ADIPOR2: variants seen among roughly 807,000 people sequenced by gnomAD.
The protein encoded by ADIPOR2 is adiponectin receptor protein 2.
A neutral mutation model predicts 40.9 loss-of-function variants in ADIPOR2; 18 were observed. The observed-to-expected ratio is 0.44, with a 90% confidence interval of 0.30 to 0.65. ADIPOR2 has a LOEUF of 0.65. Ranked by LOEUF, ADIPOR2 falls within the 30% of genes least tolerant of loss-of-function variation. The probability of loss-of-function intolerance (pLI) is 0.09; values close to 1 mark genes in which losing one functional copy is unlikely to be tolerated. For synonymous variants in ADIPOR2, 165 were observed against 166.4 expected (o/e 0.99, Z 0.06); for missense variants, 283 against 479.2 (o/e 0.59, Z 3.82).
intron 2 of ADIPOR2, among the ~76,000 whole-genome samples, chr12:1,764,125 C>A (rs1001098440): frequency 1.3e-5 from 2 of 152,098 alleles, no homozygotes; most frequent in Admixed American, 1.3e-4. Flanking sequence ...TTCTTGATTT[C>A]TTTGGGTTTC....
intron 1 of ADIPOR2, among the ~76,000 whole-genome samples, chr12:1,750,787 A>T (rs1427994382): frequency 6.6e-6 from 1 of 152,126 alleles, no homozygotes; most frequent in African/African-American, 2.4e-5. Context: ...TATCAATTTT[A>T]TGCCCCATCA....
chr12:1,701,373 G>A (rs181608463), intron 1 of ADIPOR2, among the ~76,000 whole-genome samples: 1 of 151,968 alleles, frequency 6.6e-6, no homozygotes, highest in Non-Finnish European at 1.5e-5. Context: ...CATCCACCTC[G>A]GCCTCCCAAA....
intron 2 of ADIPOR2, 137 bp downstream of exon 2, chr12:1,754,651 A>AT (rs1268309107): frequency 8.7e-6 from 7 of 800,880 alleles, no homozygotes; most frequent in Non-Finnish European, 1.3e-5. Flanking sequence ...GCACATTTGT[A>AT]TTTTTTTCTT....
rs550730419 is a variant in ADIPOR2 at position 1,786,402 on chromosome 12, C to T, written c.*330C>T. 4.8e-5 allele frequency: 11 copies of T among 229,652 alleles called. No homozygotes were observed. Among genetic ancestry groups the T allele is most frequent in the Admixed American group, 1.0e-4 (2 of 19,520 alleles). 14.2% of individuals were successfully genotyped at this position (229,652 alleles called of 1,614,324 possible). On this transcript the variant is annotated 3_prime_UTR_variant, in exon 8 of 8. Transcript: ENST00000357103. Reference sequence around the variant, plus strand: ...TATCATATTTATTTGTAGAAGATGGCGAAACAGTTTAGCTGGTGGTTCTTT... The same window carrying T: ...TATCATATTTATTTGTAGAAGATGGTGAAACAGTTTAGCTGGTGGTTCTTT...
Position 1,780,957 on chromosome 12 carries a change from A to G in ADIPOR2, c.719A>G (p.Tyr240Cys). The G allele has an allele frequency of 6.2e-7, 1 of 1,613,260 alleles. No individual in the cohort carries two copies. The highest frequency in any genetic ancestry group is 1.1e-5 in the South Asian group (1 of 91,002). The change falls in exon 6 of 8, where the codon TAC becomes TGC. Residue 240 changes from tyrosine (Y) to cysteine (C), a missense_variant. Physicochemically the swap from Tyr to Cys is radical, Grantham distance 194. Transcript: ENST00000357103. The part of the protein sequence containing the change: ...SFVPWLYYSF[Y>C]CNPQPCFIYL... ...GTTCCTTGGCTTTATTATTCTTTCT[A>G]CTGTAATCCACAACCTTGCTTCATC...
At chr12:1,718,899 GA>G (rs1555167049) in intron 1 of ADIPOR2, among the ~76,000 whole-genome samples, 1 of 151,980 alleles carries the variant, frequency 6.6e-6, no homozygotes, top group East Asian at 1.9e-4. Context: ...AATGCTGGGG[GA>G]AAAAAGAAGT....
intron 1 of ADIPOR2, among the ~76,000 whole-genome samples, chr12:1,699,740 G>A (rs553723266): frequency 1.8e-4 from 28 of 152,334 alleles, no homozygotes; most frequent in East Asian, 3.9e-4. Context: ...TAAATAGGAC[G>A]AACTGATATC....
At chr12:1,775,088 G>A (rs1205985288) in intron 3 of ADIPOR2, among the ~76,000 whole-genome samples, 2 of 151,818 alleles carry the variant, frequency 1.3e-5, no homozygotes, top group East Asian at 1.9e-4. Flanking sequence ...TGCCCGCCTC[G>A]GCCTCCCATA....
At chr12:1,739,992 C>T (rs1368684173) in intron 1 of ADIPOR2, among the ~76,000 whole-genome samples, 1 of 152,072 alleles carries the variant, frequency 6.6e-6, no homozygotes, top group African/African-American at 2.4e-5. Context: ...ATCCTAGCTA[C>T]TCAGAAGGCT....
At chr12:1,775,965 C>CATT (rs1862584997) in intron 3 of ADIPOR2, among the ~76,000 whole-genome samples, 1 of 152,062 alleles carries the variant, frequency 6.6e-6, no homozygotes, top group Admixed American at 6.5e-5. Flanking sequence ...AGTCTTTTGG[C>CATT]ATTATTTTAT....
intron 1 of ADIPOR2, among the ~76,000 whole-genome samples, chr12:1,752,917 TCATGTGCTTGGCC>T (rs997882706): frequency 2.0e-5 from 3 of 152,328 alleles, no homozygotes; most frequent in Admixed American, 2.0e-4. Context: ...CTCAATAGTA[TCATGTGCTTGGCC>T]CAGGTACATG....
intron 1 of ADIPOR2, among the ~76,000 whole-genome samples, chr12:1,748,624 GTTTT>G (rs912111708): frequency 2.0e-5 from 3 of 148,732 alleles, no homozygotes; most frequent in African/African-American, 7.4e-5. Flanking sequence ...ACAGGTTGAA[GTTTT>G]TTTTTTAAGT....
chr12:1,713,453 T>G (rs951332592), intron 1 of ADIPOR2, among the ~76,000 whole-genome samples: 15 of 152,114 alleles, frequency 9.9e-5, no homozygotes, highest in South Asian at 8.3e-4. Flanking sequence ...CTTTATGAGC[T>G]TCAGGCCTTA....
At chr12:1,726,054 A>G (rs758620185) in intron 1 of ADIPOR2, among the ~76,000 whole-genome samples, 2 of 152,254 alleles carry the variant, frequency 1.3e-5, no homozygotes, top group Non-Finnish European at 2.9e-5. Context: ...TTTCTAGACC[A>G]GAAGTGTCAA....
intron 1 of ADIPOR2, among the ~76,000 whole-genome samples, chr12:1,714,480 T>C (rs1472007399): frequency 1.3e-5 from 2 of 152,088 alleles, no homozygotes; most frequent in Non-Finnish European, 2.9e-5. Context: ...CAGGGAAGTA[T>C]ATTTTCTTAA....
intron 1 of ADIPOR2, among the ~76,000 whole-genome samples, chr12:1,732,284 GT>G (rs1436342737): frequency 1.6e-4 from 24 of 152,180 alleles, no homozygotes; most frequent in Admixed American, 5.9e-4. Context: ...TCACAGAATA[GT>G]TTCACTGCCC....
chr12:1,759,381 CTT>C (rs1862221422), intron 2 of ADIPOR2, among the ~76,000 whole-genome samples: 1 of 152,084 alleles, frequency 6.6e-6, no homozygotes, highest in African/African-American at 2.4e-5. Context: ...CTTAGGCTCT[CTT>C]AAGTTGTGGA....
At chr12:1,721,119 T>G (rs2094697012) in intron 1 of ADIPOR2, among the ~76,000 whole-genome samples, 1 of 151,890 alleles carries the variant, frequency 6.6e-6, no homozygotes, top group South Asian at 2.1e-4. Context: ...AACTAAACTT[T>G]GCCCCGGCCA....
intron 1 of ADIPOR2, among the ~76,000 whole-genome samples, chr12:1,698,880 T>C (rs2094644669): frequency 6.7e-6 from 1 of 149,756 alleles, no homozygotes; most frequent in Admixed American, 6.7e-5. Flanking sequence ...AAAAAAAAAA[T>C]CTTTGTTTAT....
Sources: allele counts gnomAD v4.1 joint callset (sites outside exome capture counted in the v4.1 genomes callset), GRCh38; gene constraint gnomAD v4.1.1; transcripts MANE v1.5; gene names NCBI Gene and HGNC (gene_info 2026-07-23, HGNC 2026-07-21).